ERAP1: variants seen among roughly 807,000 people sequenced by gnomAD.
The protein encoded by ERAP1 is endoplasmic reticulum aminopeptidase 1, also known as adipocyte-derived leucine aminopeptidase.
ERAP1 carries 86 observed loss-of-function variants against 103.7 expected under a neutral mutation model. The ratio of observed to expected loss-of-function variants is 0.83; its 90% CI spans 0.70 to 0.99. ERAP1 has a LOEUF of 0.99. Among genes scored for constraint, ERAP1 ranks in the 50% least tolerant of loss-of-function variants. The pLI is 0.00. For missense variants in ERAP1, 1,009 were observed against 1,128.4 expected (o/e 0.89, Z 1.52); for synonymous variants, 398 against 402.4 (o/e 0.99, Z 0.13).
intron 7 of ERAP1, 125 bp downstream of exon 7, chr5:96,793,275 T>C (rs1776937683): frequency 1.3e-6 from 1 of 779,800 alleles, no homozygotes; most frequent in African/African-American, 1.7e-5. Context: ...ATATCTAAAC[T>C]GTCAAGGAAG....
intron 5 of ERAP1, among the ~76,000 whole-genome samples, chr5:96,794,465 C>G (rs769190533): frequency 6.6e-6 from 1 of 152,132 alleles, no homozygotes; most frequent in Non-Finnish European, 1.5e-5. Flanking sequence ...GCTGAGATTA[C>G]AAGACATGAG....
the ERAP1 span, among the ~76,000 whole-genome samples, chr5:96,820,420 C>G: frequency 6.6e-6 from 1 of 152,124 alleles, no homozygotes; most frequent in African/African-American, 2.4e-5. Flanking sequence ...TGTCATACTT[C>G]TAATTGCTGA....
the ERAP1 span, among the ~76,000 whole-genome samples, chr5:96,819,352 A>T: frequency 6.6e-6 from 1 of 152,182 alleles, no homozygotes; most frequent in Non-Finnish European, 1.5e-5. Context: ...CCACCATATC[A>T]TCATGTTTTC....
At chr5:96,901,368 A>G in the ERAP1 span, 161 of 914,892 alleles carry the variant, frequency 1.8e-4, no homozygotes, top group African/African-American at 2.0e-3. Context: ...TGCCTGGATT[A>G]CCCTTCCCTG....
chr5:96,812,580 C>G (rs989739201), upstream of ERAP1, among the ~76,000 whole-genome samples: 2 of 152,066 alleles, frequency 1.3e-5, no homozygotes, highest in Non-Finnish European at 1.5e-5. Context: ...TTTTGAGGGA[C>G]CATGGTGTTA....
chr5:96,834,793 T>C, the ERAP1 span, among the ~76,000 whole-genome samples: 3 of 152,210 alleles, frequency 2.0e-5, no homozygotes, highest in African/African-American at 7.2e-5. Flanking sequence ...TAAATCATAA[T>C]TGCATGGTGT....
At chr5:96,891,397 A>G in the ERAP1 span, among the ~76,000 whole-genome samples, 5 of 150,482 alleles carry the variant, frequency 3.3e-5, no homozygotes, top group Admixed American at 2.7e-4. Flanking sequence ...GTGTATACAT[A>G]CACACACACA....
the ERAP1 span, among the ~76,000 whole-genome samples, chr5:96,891,917 T>C: frequency 1.3e-5 from 2 of 152,180 alleles, no homozygotes; most frequent in African/African-American, 4.8e-5. Context: ...CTCAAACATA[T>C]TAGAAATTAT....
At position 96,781,814 on chromosome 5, in the gene ERAP1, C is replaced by T; in HGVS notation, c.2326G>A (p.Ala776Thr). The T allele has an allele frequency of 6.2e-7, 1 of 1,613,968 alleles. No homozygotes were observed. Among genetic ancestry groups the T allele is most frequent in the Non-Finnish European group, 8.5e-7 (1 of 1,179,980 alleles). ...AAATCCCAGCCTTCTGTGCTCTGGGCCCCCACAGCAAACACTGCCAAGGTC... is the reference window on the plus strand; with the variant it reads ...AAATCCCAGCCTTCTGTGCTCTGGGTCCCCACAGCAAACACTGCCAAGGTC... ...DVTLAVFAVG[A>T]QSTEGWDFLY... Residue 776 changes from alanine to threonine, a missense_variant, in exon 16 of 19, where the codon GCC becomes ACC. By Grantham distance (58) the Ala-to-Thr change is moderately conservative. Transcript: ENST00000443439.
Position 96,783,818 on chromosome 5 carries a change from TACACAC to T in ERAP1, c.2100+100_2100+105del, listed in dbSNP as rs3076640. 4.2e-3 allele frequency: 3,390 copies of T among 803,184 alleles called. 46 individuals are homozygous for T. The African/African-American group carries it at 0.047, about 11-fold the overall frequency. 49.8% of individuals were successfully genotyped at this position (803,184 alleles called of 1,614,324 possible). On this transcript the variant is annotated intron_variant, in intron 14 of 18. Coordinates refer to ENST00000443439, the MANE Select transcript of ERAP1 (RefSeq NM_001040458.3). Reference sequence around the variant, plus strand: ...CTTTTCCTTAATATGTATATAAAGATACACACACACACACACACACACACACACACA... The same window carrying T: ...CTTTTCCTTAATATGTATATAAAGATACACACACACACACACACACACACA...
the ERAP1 span, chr5:96,873,176 G>A: frequency 2.7e-6 from 1 of 368,122 alleles, no homozygotes; most frequent in Non-Finnish European, 5.4e-6. Flanking sequence ...GTGACAGAGT[G>A]AGACTTTGTC....
the ERAP1 span, among the ~76,000 whole-genome samples, chr5:96,874,147 A>AG: frequency 1.8e-4 from 19 of 104,542 alleles, 1 homozygote; most frequent in South Asian, 3.0e-4. Flanking sequence ...AGAAAGAAAG[A>AG]AAGAAAGAAA....
the ERAP1 span, chr5:96,909,208 G>A: frequency 7.7e-7 from 1 of 1,292,522 alleles, no homozygotes; most frequent in African/African-American, 1.5e-5. Context: ...AGTCCTTGAG[G>A]TTAAATCTGG....
the ERAP1 span, among the ~76,000 whole-genome samples, chr5:96,830,133 T>C: frequency 1.3e-5 from 2 of 152,158 alleles, no homozygotes. Flanking sequence ...CACTGTGAGA[T>C]GAGAGCCTAT....
chr5:96,916,807 T>G, the ERAP1 span, among the ~76,000 whole-genome samples: 1 of 151,840 alleles, frequency 6.6e-6, no homozygotes, highest in African/African-American at 2.4e-5. Context: ...GCACCTTCTT[T>G]TCACAATAAA....
At chr5:96,909,001 T>G in the ERAP1 span, 1 of 1,614,200 alleles carries the variant, frequency 6.2e-7, no homozygotes, top group South Asian at 1.1e-5. Context: ...TGACATGACT[T>G]ACTACCTCCA....
At chr5:96,879,272 A>T in the ERAP1 span, among the ~76,000 whole-genome samples, 1 of 152,234 alleles carries the variant, frequency 6.6e-6, no homozygotes, top group African/African-American at 2.4e-5. Context: ...AATGTTAAAA[A>T]CATTCAACAT....
intron 4 of ERAP1, among the ~76,000 whole-genome samples, chr5:96,795,541 T>A (rs547350340): frequency 7.2e-5 from 11 of 152,182 alleles, no homozygotes; most frequent in Admixed American, 1.3e-4. Flanking sequence ...TCTTATGTCA[T>A]TGAAGGACTC....
chr5:96,858,217 C>CTTT, the ERAP1 span, among the ~76,000 whole-genome samples: 46 of 137,072 alleles, frequency 3.4e-4, no homozygotes, highest in African/African-American at 5.1e-4. Context: ...TGTTCTTCTT[C>CTTT]TTTTTTTTTT....
Sources: gnomAD v4.1 joint callset for allele counts (sites outside exome capture counted in the v4.1 genomes callset) on GRCh38, gnomAD v4.1.1 for gene constraint, MANE v1.5 for transcripts, NCBI Gene and HGNC (gene_info 2026-07-23, HGNC 2026-07-21) for gene names.